NRG3: variants seen among roughly 807,000 people sequenced by gnomAD.
NRG3 encodes neuregulin 3.
NRG3 carries 31 observed loss-of-function variants against 66.9 expected under a neutral mutation model. The ratio of observed to expected loss-of-function variants is 0.46; its 90% CI spans 0.35 to 0.63. The LOEUF (loss-of-function observed/expected upper bound fraction) is 0.63, where lower values mean the gene tolerates loss of function less well. NRG3 is among the 20% of genes least tolerant of loss of function. The pLI is 0.00. For synonymous variants in NRG3, 393 were observed against 359.4 expected, an observed-to-expected ratio of 1.09 and a Z score of -1.06; for missense variants, 910 against 878.9, an observed-to-expected ratio of 1.04 and a Z score of -0.45.
At chr10:81,937,471 A>T (rs368823484) in intron 1 of NRG3, among the ~76,000 whole-genome samples, 1 of 151,776 alleles carries the variant, frequency 6.6e-6, no homozygotes, top group Non-Finnish European at 1.5e-5. Context: ...ATGATATCTC[A>T]TTGTGGTTTT....
At chr10:82,364,046 C>G (rs1268030045) in intron 2 of NRG3, among the ~76,000 whole-genome samples, 1 of 151,978 alleles carries the variant, frequency 6.6e-6, no homozygotes, top group African/African-American at 2.4e-5. Context: ...CTTCTTTCAA[C>G]TTGGCAAATT....
intron 5 of NRG3, among the ~76,000 whole-genome samples, chr10:82,957,872 TCAACA>T (rs1204528239): frequency 6.7e-6 from 1 of 148,758 alleles, no homozygotes; most frequent in Admixed American, 6.9e-5. Flanking sequence ...GTTATTTAGG[TCAACA>T]CTGCAAAGAG....
At chr10:82,671,804 TACAAGA>T (rs1431930080) in intron 2 of NRG3, among the ~76,000 whole-genome samples, 1 of 152,234 alleles carries the variant, frequency 6.6e-6, no homozygotes, top group Non-Finnish European at 1.5e-5. Flanking sequence ...GTGATTCCTC[TACAAGA>T]ACAAGTGGGA....
intron 1 of NRG3, among the ~76,000 whole-genome samples, chr10:82,147,521 A>G (rs2070344933): frequency 6.6e-6 from 1 of 152,188 alleles, no homozygotes; most frequent in Admixed American, 6.5e-5. Flanking sequence ...TTTAACATGA[A>G]TATACACTAA....
intron 1 of NRG3, among the ~76,000 whole-genome samples, chr10:82,200,652 C>T (rs951055269): frequency 3.3e-5 from 5 of 152,048 alleles, no homozygotes; most frequent in East Asian, 1.9e-4. Context: ...GAAAGTAAGT[C>T]GCATGCCCGA....
intron 1 of NRG3, among the ~76,000 whole-genome samples, chr10:81,961,762 G>A (rs996701118): frequency 6.6e-6 from 1 of 152,238 alleles, no homozygotes; most frequent in Non-Finnish European, 1.5e-5. Context: ...GCATTAGTTA[G>A]ATATTAATGT....
At chr10:82,243,139 G>A (rs1026270331) in intron 1 of NRG3, among the ~76,000 whole-genome samples, 2 of 152,140 alleles carry the variant, frequency 1.3e-5, no homozygotes, top group Non-Finnish European at 2.9e-5. Flanking sequence ...TTTACTGCAT[G>A]TAAAAGAGAC....
At chr10:82,296,552 G>T (rs1438368557) in intron 1 of NRG3, among the ~76,000 whole-genome samples, 2 of 152,146 alleles carry the variant, frequency 1.3e-5, no homozygotes, top group Non-Finnish European at 2.9e-5. Context: ...ATTTGTACAT[G>T]TTTATGGGGA....
At chr10:82,432,448 A>T (rs545870330) in intron 2 of NRG3, among the ~76,000 whole-genome samples, 2 of 151,180 alleles carry the variant, frequency 1.3e-5, no homozygotes, top group African/African-American at 2.4e-5. Flanking sequence ...ATGGCAGCAT[A>T]GTATTCCATT....
At chr10:82,593,084 T>C (rs1332747911) in intron 2 of NRG3, among the ~76,000 whole-genome samples, 1 of 152,238 alleles carries the variant, frequency 6.6e-6, no homozygotes, top group East Asian at 1.9e-4. Context: ...ATTTGAATTC[T>C]GCTACCAGTT....
rs74691464 is a variant in NRG3 at position 81,979,985 on chromosome 10, A to G, written c.823+103822A>G. ...TAAACATAGGCCAAAGGGTTAACCA[A>G]CCAGCCCTTACTAAAAAAGTTAGTC... On this transcript the variant is annotated intron_variant, in intron 1 of 8. Transcript: ENST00000372141. Among the ~76,000 whole-genome samples, 1,357 of 152,300 alleles carry G rather than the reference A, an allele frequency of 8.9e-3. 8 individuals are homozygous for G. The highest frequency in any genetic ancestry group is 0.015 in the Non-Finnish European group (997 of 68,028).
intron 3 of NRG3, among the ~76,000 whole-genome samples, chr10:82,766,293 C>T (rs1449378338): frequency 1.3e-5 from 2 of 152,128 alleles, no homozygotes; most frequent in African/African-American, 2.4e-5. Flanking sequence ...TTTCTCTTGG[C>T]TCTTAGGAGG....
At chr10:81,999,252 A>T (rs762227177) in intron 1 of NRG3, among the ~76,000 whole-genome samples, 11 of 152,246 alleles carry the variant, frequency 7.2e-5, no homozygotes, top group Non-Finnish European at 1.5e-4. Flanking sequence ...CGAGACCTCA[A>T]GGCTCAACTG....
intron 2 of NRG3, among the ~76,000 whole-genome samples, chr10:82,398,527 G>A (rs2086871144): frequency 8.0e-6 from 1 of 124,714 alleles, no homozygotes; most frequent in African/African-American, 3.5e-5. Context: ...GTGTGTGTGT[G>A]AGAGAGAGAG....
intron 1 of NRG3, among the ~76,000 whole-genome samples, chr10:82,342,491 G>A (rs2082733766): frequency 6.6e-6 from 1 of 151,994 alleles, no homozygotes; most frequent in South Asian, 2.1e-4. Context: ...TCTCACTGTG[G>A]TTTTAATTTG....
intron 2 of NRG3, among the ~76,000 whole-genome samples, chr10:82,401,363 A>T (rs2087091135): frequency 6.7e-6 from 1 of 150,240 alleles, no homozygotes; most frequent in Non-Finnish European, 1.5e-5. Flanking sequence ...ATATATGAAT[A>T]TGTATGTGTA....
intron 1 of NRG3, among the ~76,000 whole-genome samples, chr10:81,938,432 C>CA (rs1848093910): frequency 6.7e-6 from 1 of 148,736 alleles, no homozygotes; most frequent in Non-Finnish European, 1.5e-5. Context: ...TTTCAGTGTA[C>CA]AAATTTTTGC....
intron 3 of NRG3, among the ~76,000 whole-genome samples, chr10:82,810,172 T>C (rs933478435): frequency 1.3e-5 from 2 of 152,180 alleles, no homozygotes; most frequent in African/African-American, 2.4e-5. Context: ...GTTAAAGATA[T>C]CAGCCCATCC....
chr10:81,909,920 G>A (rs1202268460), intron 1 of NRG3, among the ~76,000 whole-genome samples: 1 of 152,054 alleles, frequency 6.6e-6, no homozygotes, highest in Non-Finnish European at 1.5e-5. Flanking sequence ...ATTTTACAAG[G>A]TCTGTCCTCA....
Sources: allele counts gnomAD v4.1 joint callset (sites outside exome capture counted in the v4.1 genomes callset), GRCh38; gene constraint gnomAD v4.1.1; transcripts MANE v1.5; gene names NCBI Gene and HGNC (gene_info 2026-07-23, HGNC 2026-07-21).